The following PHACTR1 variants were observed in gnomAD, a reference collection of about 807,000 sequenced individuals.
PHACTR1 encodes the protein RPEL repeat containing 1.
PHACTR1 carries 16 observed loss-of-function variants against 69.2 expected under a neutral mutation model. The ratio of observed to expected loss-of-function variants is 0.23; its 90% confidence interval spans 0.16 to 0.35. PHACTR1 has a LOEUF of 0.35. PHACTR1 is among the 10% of genes least tolerant of loss of function. The pLI is 1.00. For synonymous variants in PHACTR1, 312 were observed against 284.5 expected (o/e 1.10, Z -0.97); for missense variants, 510 against 734.7 (o/e 0.69, Z 3.54).
chr6:13,094,346 G>A (rs1345036575), intron 5 of PHACTR1, among the ~76,000 whole-genome samples: 1 of 149,160 alleles, frequency 6.7e-6, no homozygotes, highest in African/African-American at 2.5e-5. Flanking sequence ...CCAGGCTGGA[G>A]TTCAGTGGCA....
At chr6:13,063,126 T>C (rs1232841609) in intron 5 of PHACTR1, among the ~76,000 whole-genome samples, 1 of 152,164 alleles carries the variant, frequency 6.6e-6, no homozygotes, top group Non-Finnish European at 1.5e-5. Context: ...CAGCTTACCA[T>C]ATTGAATGTA....
chr6:13,061,718 G>A (rs1201809308), intron 5 of PHACTR1, among the ~76,000 whole-genome samples: 2 of 152,044 alleles, frequency 1.3e-5, no homozygotes, highest in African/African-American at 2.4e-5. Context: ...GACTTAATTT[G>A]CCATTTTCAA....
intron 4 of PHACTR1, among the ~76,000 whole-genome samples, chr6:12,938,320 A>C (rs1167724359): frequency 1.3e-5 from 2 of 152,168 alleles, no homozygotes; most frequent in African/African-American, 4.8e-5. Context: ...CCAGGAAAAA[A>C]TGAGATTTGC....
chr6:13,125,039 A>C (rs1819323418), intron 5 of PHACTR1, among the ~76,000 whole-genome samples: 1 of 152,206 alleles, frequency 6.6e-6, no homozygotes, highest in Non-Finnish European at 1.5e-5. Flanking sequence ...TAAAATGATA[A>C]AGGGGCATAG....
intron 4 of PHACTR1, among the ~76,000 whole-genome samples, chr6:13,018,020 G>T (rs1800431717): frequency 6.6e-6 from 1 of 152,242 alleles, no homozygotes; most frequent in East Asian, 1.9e-4. Context: ...GGACTTGCTA[G>T]ATGTTTTCCC....
At chr6:13,045,132 C>T (rs932786976) in intron 4 of PHACTR1, among the ~76,000 whole-genome samples, 3 of 152,210 alleles carry the variant, frequency 2.0e-5, no homozygotes, top group African/African-American at 7.2e-5. Context: ...AGGAGACATT[C>T]TTGCAAATAG....
chr6:13,283,649 C>A lies in PHACTR1; in HGVS notation c.1650+87C>A. On this transcript the variant is annotated intron_variant, in intron 13 of 14. Transcript: ENST00000332995. This position sits in a 1 kb window ranked among gnomAD's most constrained non-coding sequence, Gnocchi z 4.7. ...CACCGCTGGGGAGCGTGTAGGGAGA[C>A]CTGCAGCCAGGCCTCAGCCGCAGTC... 1 of 1,598,758 alleles carries A rather than the reference C, an allele frequency of 6.3e-7. No homozygotes were observed. The highest frequency in any genetic ancestry group is 1.1e-5 in the South Asian group (1 of 90,364).
At chr6:13,111,777 G>GT (rs1169100393) in intron 5 of PHACTR1, among the ~76,000 whole-genome samples, 3 of 151,970 alleles carry the variant, frequency 2.0e-5, no homozygotes, top group East Asian at 1.9e-4. Context: ...TTCTTGCATG[G>GT]TTTTTTTCTT....
At chr6:12,907,513 A>T (rs1056338615) in intron 4 of PHACTR1, among the ~76,000 whole-genome samples, 6 of 152,242 alleles carry the variant, frequency 3.9e-5, no homozygotes, top group African/African-American at 1.4e-4. Flanking sequence ...TGTGGAGGTC[A>T]TTTTGATCTA....
chr6:13,227,685 A>G, intron 8 of PHACTR1, 131 bp from the exon 9 acceptor site: 3 of 1,221,074 alleles, frequency 2.5e-6, no homozygotes, highest in South Asian at 1.5e-5. Context: ...AAGATGAGCA[A>G]TGGAACTTTA....
At chr6:12,770,954 G>A (rs563906868) in intron 4 of PHACTR1, among the ~76,000 whole-genome samples, 181 of 152,276 alleles carry the variant, frequency 1.2e-3, no homozygotes, top group African/African-American at 4.1e-3. Context: ...AGTGCAAATC[G>A]CATGCACACA....
chr6:13,054,037 T>G (rs1806406921), intron 5 of PHACTR1, among the ~76,000 whole-genome samples: 1 of 152,044 alleles, frequency 6.6e-6, no homozygotes, highest in South Asian at 2.1e-4. Flanking sequence ...AACTGTACGG[T>G]TTGTGGCTCA....
intron 4 of PHACTR1, among the ~76,000 whole-genome samples, chr6:12,987,010 T>G (rs932520354): frequency 6.6e-6 from 1 of 152,172 alleles, no homozygotes; most frequent in African/African-American, 2.4e-5. Context: ...TGTGCATTTT[T>G]TACAATAGGA....
chr6:12,788,270 C>A (rs185927249), intron 4 of PHACTR1, among the ~76,000 whole-genome samples: 1 of 152,020 alleles, frequency 6.6e-6, no homozygotes, highest in Admixed American at 6.5e-5. Flanking sequence ...GGTGATATTT[C>A]CAATTTCTAC....
intron 4 of PHACTR1, among the ~76,000 whole-genome samples, chr6:12,894,110 G>C (rs938973002): frequency 6.6e-6 from 1 of 152,008 alleles, no homozygotes; most frequent in African/African-American, 2.4e-5. Context: ...TGAATGATTG[G>C]GCACAGGTTC....
intron 4 of PHACTR1, among the ~76,000 whole-genome samples, chr6:13,029,899 C>T (rs1802214017): frequency 1.3e-5 from 2 of 152,192 alleles, no homozygotes; most frequent in Non-Finnish European, 2.9e-5. Context: ...GGTGGACTCT[C>T]AAGTGTGACA....
intron 4 of PHACTR1, among the ~76,000 whole-genome samples, chr6:13,040,798 A>G (rs1247650084): frequency 6.6e-6 from 1 of 152,196 alleles, no homozygotes; most frequent in East Asian, 1.9e-4. Flanking sequence ...TATTAATATA[A>G]TGGTTGTATA....
intron 4 of PHACTR1, among the ~76,000 whole-genome samples, chr6:12,782,839 A>T (rs1771008675): frequency 6.6e-6 from 1 of 152,208 alleles, no homozygotes; most frequent in Non-Finnish European, 1.5e-5. Context: ...ATTCAAGTAG[A>T]CACAGTAATT....
chr6:13,141,618 G>A (rs558657715), intron 5 of PHACTR1, among the ~76,000 whole-genome samples: 136 of 151,890 alleles, frequency 9.0e-4, no homozygotes, highest in African/African-American at 3.1e-3. Flanking sequence ...GGATGATGGC[G>A]TTCTGTAAGA....
Sources: gnomAD v4.1 joint callset for allele counts (sites outside exome capture counted in the v4.1 genomes callset) on GRCh38, gnomAD v4.1.1 for gene constraint, Gnocchi (gnomAD v3.1) non-coding constraint, MANE v1.5 for transcripts, NCBI Gene and HGNC (gene_info 2026-07-23, HGNC 2026-07-21) for gene names.